The following TJAP1 variants were observed in gnomAD, a reference collection of about 807,000 sequenced individuals.
TJAP1 encodes the protein tight junction-associated protein 1.
TJAP1 carries 27 observed loss-of-function variants against 42.0 expected under a neutral mutation model. The observed-to-expected ratio is 0.64, with a 90% CI of 0.47 to 0.89. The LOEUF (loss-of-function observed/expected upper bound fraction) is 0.89. Ranked by LOEUF, TJAP1 falls within the 40% of genes least tolerant of loss-of-function variation. The pLI, the probability that TJAP1 is intolerant of heterozygous loss-of-function variation, is 0.00. For missense variants in TJAP1, 712 were observed against 726.9 expected (o/e 0.98, Z 0.24); for synonymous variants, 257 against 288.4 (o/e 0.89, Z 1.10).
chr6:43,500,898 T>C, intron 5 of TJAP1, 126 bp downstream of exon 5: 5 of 1,111,182 alleles, frequency 4.5e-6, no homozygotes, highest in Non-Finnish European at 6.8e-6. Flanking sequence ...ATGGGTTGTT[T>C]TAGGGACTCT....
At chr6:43,502,522 A>T (rs1791168652) in intron 7 of TJAP1, 66 bp from the exon 8 acceptor site, 1 of 1,541,308 alleles carries the variant, frequency 6.5e-7, no homozygotes, top group Non-Finnish European at 8.8e-7. Flanking sequence ...TAATGCTCAC[A>T]CTGTTTCTCT....
intron 2 of TJAP1, chr6:43,489,617 T>C (rs1485188528): frequency 2.0e-5 from 3 of 152,248 alleles, no homozygotes; most frequent in East Asian, 3.9e-4. Flanking sequence ...CTGGCAGCAG[T>C]GTTTGGGGAA....
At chr6:43,494,648 CTT>C (rs775378416) in intron 2 of TJAP1, among the ~76,000 whole-genome samples, 19 of 114,398 alleles carry the variant, frequency 1.7e-4, no homozygotes, top group African/African-American at 5.2e-4. Context: ...TGTTGATTTC[CTT>C]TTTTTTTTTT....
At position 43,487,111 on chromosome 6, in the gene TJAP1, CTCT is replaced by C. The variant is rs1786710402; in HGVS notation, c.-122+8884_-122+8886del. On this transcript the variant is annotated intron_variant, in intron 2 of 10. Coordinates refer to ENST00000372449, the Ensembl canonical transcript of TJAP1. ...CTGGTCCTGAGTAGAAGGGTGGGACCTCTTCTTTGTTAGTTACTATCTTGTGCC... is the reference window on the plus strand; with the variant it reads ...CTGGTCCTGAGTAGAAGGGTGGGACCTCTTTGTTAGTTACTATCTTGTGCC... Among the ~76,000 whole-genome samples, 4 of 152,216 alleles carry C rather than the reference CTCT, an allele frequency of 2.6e-5. No homozygotes were observed. In the South Asian group the frequency reaches 8.3e-4, roughly 32 times the overall value.
chr6:43,501,900 C>CAG lies in TJAP1; in HGVS notation c.290+214_290+215insGA, dbSNP rs1200198568. Among the ~76,000 whole-genome samples, 36 of 108,892 alleles carry CAG rather than the reference C, an allele frequency of 3.3e-4. 1 individual carries two copies. The highest frequency in any genetic ancestry group is 1.4e-3 in the African/African-American group (36 of 25,462). 71.4% of individuals were successfully genotyped at this position (108,892 alleles called of 152,430 possible). A position where few individuals can be genotyped will look rare whatever the true frequency, so the allele number is the denominator to read the frequency against. Reference sequence around the variant, plus strand: ...GTGTGGGAATGCGGGGCCACACACACACACACACACACACACACACACACA... The same window carrying CAG: ...GTGTGGGAATGCGGGGCCACACACACAGACACACACACACACACACACACACA... On this transcript the variant is annotated intron_variant, in intron 6 of 10. Coordinates refer to ENST00000372449, the Ensembl canonical transcript of TJAP1.
rs553886511 is a variant in TJAP1 at position 43,492,599 on chromosome 6, G to A, written c.-121-5282G>A. On this transcript the variant is annotated intron_variant, in intron 2 of 10. Transcript: ENST00000372449. This position sits in a 1 kb window ranked among gnomAD's most constrained non-coding sequence, Gnocchi z 4.2. The stretch of plus-strand genomic sequence containing the variant: ...GGGGTACCCCGGAGACGATGTGGGC[G>A]AGGCCGAACCCAGTTTTGGTGGGAT... Among the ~76,000 whole-genome samples the A allele has an allele frequency of 3.0e-4, 45 of 152,308 alleles. No homozygotes were observed. Among genetic ancestry groups the A allele is most frequent in the African/African-American group, 9.9e-4 (41 of 41,556 alleles).
intron 5 of TJAP1, 43 bp downstream of exon 5, chr6:43,500,815 T>A: frequency 6.2e-7 from 1 of 1,611,428 alleles, no homozygotes; most frequent in South Asian, 1.1e-5. Flanking sequence ...CTCAACTCTG[T>A]CCCTCTTAGC....
At position 43,502,572 on chromosome 6, in the gene TJAP1, T is replaced by G. The variant is rs1340939997; in HGVS notation, c.358-16T>G. ...CCCCTCATGCTGCCACCGTTGCTGC[T>G]GCACTCTCCTCTCAGGCCTCTCTTA... On this transcript the variant is annotated splice_polypyrimidine_tract_variant and intron_variant, in intron 7 of 10. Transcript: ENST00000372449. The G allele has an allele frequency of 6.4e-7, 1 of 1,551,752 alleles. No individual in the cohort carries two copies. Among genetic ancestry groups the G allele is most frequent in the Non-Finnish European group, 8.7e-7 (1 of 1,146,992 alleles).
intron 2 of TJAP1, among the ~76,000 whole-genome samples, chr6:43,496,090 G>T (rs1245501418): frequency 6.6e-6 from 1 of 152,132 alleles, no homozygotes; most frequent in African/African-American, 2.4e-5. Context: ...GGGAGCACAT[G>T]GGGGAAGGGA....
rs749105268 is a variant in TJAP1 at position 43,505,092 on chromosome 6, A to G, written c.911A>G (p.Glu304Gly). The G allele has an allele frequency of 1.9e-6, 3 of 1,613,908 alleles. No homozygotes were observed. The South Asian group carries it at 3.3e-5, about 18-fold the overall frequency. ...ACTGCCAGGGGCTCCCCGGAGGAAG[A>G]GCTGCCCCTGCCAGCCTTTGAGAAG... is the stretch of plus-strand genomic sequence containing the variant. Residue 304 changes from glutamate to glycine, a missense_variant, in exon 11 of 11, where the codon GAG becomes GGG. Transcript: ENST00000372449. This position sits in a 1 kb window ranked among gnomAD's most constrained non-coding sequence, Gnocchi z 5.5.
At chr6:43,484,321 T>C (rs1290105051) in intron 2 of TJAP1, among the ~76,000 whole-genome samples, 2 of 151,978 alleles carry the variant, frequency 1.3e-5, no homozygotes, top group African/African-American at 2.4e-5. Context: ...TAGCCGGGCA[T>C]GGTGGCAGGC....
chr6:43,505,867 G>A lies in TJAP1; in HGVS notation c.*12G>A, dbSNP rs1292862879. On this transcript the variant is annotated 3_prime_UTR_variant, in exon 11 of 11. Transcript: ENST00000372449. This position sits in a 1 kb window ranked among gnomAD's most constrained non-coding sequence, Gnocchi z 5.5. ...ACCTGCTCAACTAGGGCCCCTGCTGGCCTTCCTGCCATTGCTGCACCAGGA... is the reference window on the plus strand; with the variant it reads ...ACCTGCTCAACTAGGGCCCCTGCTGACCTTCCTGCCATTGCTGCACCAGGA... 18 of 1,445,336 alleles carry A rather than the reference G, an allele frequency of 1.2e-5. 1 individual carries two copies. Among genetic ancestry groups the A allele is most frequent in the Non-Finnish European group, 9.1e-7 (1 of 1,103,484 alleles). 89.5% of individuals were successfully genotyped at this position (1,445,336 alleles called of 1,614,324 possible). A position where few individuals can be genotyped will look rare whatever the true frequency, so the allele number is the denominator to read the frequency against.
chr6:43,502,087 C>T lies in TJAP1; in HGVS notation c.291-196C>T, dbSNP rs1005744504. 6.8e-5 allele frequency among the ~76,000 whole-genome samples: 10 copies of T among 148,014 alleles called. No homozygotes were observed. The East Asian group carries it at 2.0e-3, about 29-fold the overall frequency. On this transcript the variant is annotated intron_variant, in intron 6 of 10. Coordinates refer to ENST00000372449, the Ensembl canonical transcript of TJAP1. Reference sequence around the variant, plus strand: ...ACACACACACACACACTCTCTCTCTCTCTCTCTCTCTCTCTCTCTCTCTCC... The same window carrying T: ...ACACACACACACACACTCTCTCTCTTTCTCTCTCTCTCTCTCTCTCTCTCC...
At chr6:43,500,124 G>A (rs551777128) in intron 4 of TJAP1, among the ~76,000 whole-genome samples, 1 of 152,254 alleles carries the variant, frequency 6.6e-6, no homozygotes, top group African/African-American at 2.4e-5. Flanking sequence ...CGATAGCAGG[G>A]GCCTACTCTG....
intron 2 of TJAP1, among the ~76,000 whole-genome samples, chr6:43,479,505 C>G (rs2127449727): frequency 6.6e-6 from 1 of 152,304 alleles, no homozygotes; most frequent in East Asian, 1.9e-4. Context: ...ATAGCACTGA[C>G]TCTGAGCCCG....
intron 8 of TJAP1, chr6:43,503,133 A>C (rs942663467): frequency 5.9e-6 from 3 of 512,494 alleles, no homozygotes; most frequent in Admixed American, 3.4e-5. Context: ...AGCCCCTGGA[A>C]CCTCAGGGGA....
At chr6:43,502,308 C>G (rs761418560) in exon 7 of TJAP1, 2 of 1,613,844 alleles carry the variant, frequency 1.2e-6, no homozygotes, top group South Asian at 2.2e-5. Flanking sequence ...CACGGCTTCC[C>G]AGCGGACCAA....
chr6:43,495,370 G>T lies in TJAP1; in HGVS notation c.-121-2511G>T, dbSNP rs1169139622. ...CCCGTTGTATTCCTGTTCATTGCTG[G>T]AACTGTGGGCCCCTAATGGGCTGGA... On this transcript the variant is annotated intron_variant, in intron 2 of 10. Transcript: ENST00000372449. The surrounding 1 kb of genome is among the most constrained non-coding windows in gnomAD (Gnocchi z 4.6). Among the ~76,000 whole-genome samples the T allele has an allele frequency of 6.6e-6, 1 of 152,232 alleles. No homozygotes were observed. Among genetic ancestry groups the T allele is most frequent in the Non-Finnish European group, 1.5e-5 (1 of 68,036 alleles).
At position 43,491,259 on chromosome 6, in the gene TJAP1, G is replaced by A. The variant is rs1394282460; in HGVS notation, c.-121-6622G>A. On this transcript the variant is annotated intron_variant, in intron 2 of 10. Coordinates refer to ENST00000372449, the Ensembl canonical transcript of TJAP1. This position sits in a 1 kb window ranked among gnomAD's most constrained non-coding sequence, Gnocchi z 4.6. ...GATTAAGAGACCAAAGTTGGTGGGG[G>A]ATATCCATGTTGACCAGAAATATCT... Among the ~76,000 whole-genome samples the A allele has an allele frequency of 6.6e-6, 1 of 152,130 alleles. No individual in the cohort carries two copies. Among genetic ancestry groups the A allele is most frequent in the Admixed American group, 6.5e-5 (1 of 15,268 alleles).
Sources: allele counts gnomAD v4.1 joint callset (sites outside exome capture counted in the v4.1 genomes callset), GRCh38; gene constraint gnomAD v4.1.1; non-coding constraint Gnocchi (gnomAD v3.1); transcripts MANE v1.5; gene names NCBI Gene and HGNC (gene_info 2026-07-23, HGNC 2026-07-21).